Variants in USP31 observed in about 807,000 individuals in gnomAD.
USP31 encodes ubiquitin specific peptidase 31.
Under a neutral mutation model 119.4 loss-of-function variants are expected in USP31, and 44 were observed. The ratio of observed to expected loss-of-function variants is 0.37; its 90% CI spans 0.29 to 0.47. The LOEUF (loss-of-function observed/expected upper bound fraction) is 0.47, where lower values mean the gene tolerates loss of function less well. Among genes scored for constraint, USP31 ranks in the 20% least tolerant of loss-of-function variants. USP31 has a pLI of 0.99. For synonymous variants in USP31, 749 were observed against 705.6 expected (o/e 1.06, Z -0.97); for missense variants, 1,643 against 1,730.2 (o/e 0.95, Z 0.89).
intron 11 of USP31, among the ~76,000 whole-genome samples, chr16:23,083,036 G>A (rs1900908325): frequency 6.6e-6 from 1 of 151,894 alleles, no homozygotes; most frequent in Non-Finnish European, 1.5e-5. Flanking sequence ...TTGCCATGCT[G>A]CCCAGGTGCT....
In USP31 at chr16:23,067,202, G is replaced by T. The variant is rs1245634896; in HGVS notation, c.*844C>A. 1 of 152,630 alleles carries T rather than the reference G, an allele frequency of 6.6e-6. No individual in the cohort carries two copies. The highest frequency in any genetic ancestry group is 1.5e-5 in the Non-Finnish European group (1 of 68,040). 9.5% of individuals were successfully genotyped at this position (152,630 alleles called of 1,614,324 possible). On this transcript the variant is annotated 3_prime_UTR_variant, in exon 16 of 16. Coordinates refer to ENST00000219689, the MANE Select transcript of USP31 (RefSeq NM_020718.4). ...GCTCTACTACAGTGCAAAATTCCAA[G>T]AGCCTTAGCTAGTAATTTCAGAAGG... is the stretch of plus-strand genomic sequence containing the variant.
At chr16:23,108,553 C>T (rs544868485) in intron 1 of USP31, among the ~76,000 whole-genome samples, 12 of 152,106 alleles carry the variant, frequency 7.9e-5, no homozygotes, top group Non-Finnish European at 1.6e-4. Context: ...ACAGTAAAAA[C>T]AGTTAAATTA....
chr16:23,067,927 A>ACG lies in USP31; in HGVS notation c.*118_*119insCG. On this transcript the variant is annotated 3_prime_UTR_variant, in exon 16 of 16. Coordinates refer to ENST00000219689, the MANE Select transcript of USP31 (RefSeq NM_020718.4). ...CACGCATACACTCACACACACACACACAGTCGGGCACGTGACTCAAAAAAG... is the reference window on the plus strand; with the variant it reads ...CACGCATACACTCACACACACACACACGCAGTCGGGCACGTGACTCAAAAAAG... 2 of 1,297,372 alleles carry ACG rather than the reference A, an allele frequency of 1.5e-6. No individual in the cohort carries two copies. The highest frequency in any genetic ancestry group is 4.7e-5 in the Admixed American group (2 of 42,758). 80.4% of individuals were successfully genotyped at this position (1,297,372 alleles called of 1,614,324 possible).
At chr16:23,107,101 A>G (rs1902140425) in intron 2 of USP31, among the ~76,000 whole-genome samples, 1 of 151,556 alleles carries the variant, frequency 6.6e-6, no homozygotes, top group Admixed American at 6.6e-5. Context: ...AACAAGAGCG[A>G]AAGTCCGTCT....
chr16:23,134,665 A>C (rs1903131365), intron 1 of USP31, among the ~76,000 whole-genome samples: 1 of 146,940 alleles, frequency 6.8e-6, no homozygotes, highest in Non-Finnish European at 1.5e-5. Context: ...AACACAGTAG[A>C]AACAAAGCTA....
At chr16:23,084,543 T>A (rs1901007839) in intron 11 of USP31, among the ~76,000 whole-genome samples, 1 of 152,174 alleles carries the variant, frequency 6.6e-6, no homozygotes, top group Non-Finnish European at 1.5e-5. Flanking sequence ...GAATCACTGT[T>A]TAAGTTACTA....
At position 23,066,923 on chromosome 16, in the gene USP31, A is replaced by T. The variant is rs1307986807; in HGVS notation, c.*1123T>A. 1.3e-5 allele frequency: 2 copies of T among 152,246 alleles called. No homozygotes were observed. The highest frequency in any genetic ancestry group is 2.4e-5 in the African/African-American group (1 of 41,464). The allele number at this position is 152,246 out of a possible 1,614,324, so 9.4% of individuals were successfully genotyped here. ...AGGCAGCCCTAACAGAGACTGACAG[A>T]CAGGATCTGAAGTGCATATGTAACA... On this transcript the variant is annotated 3_prime_UTR_variant, in exon 16 of 16. Coordinates refer to ENST00000219689, the MANE Select transcript of USP31 (RefSeq NM_020718.4).
At position 23,068,248 on chromosome 16, in the gene USP31, T is replaced by G; in HGVS notation, c.3857A>C (p.Asn1286Thr). 1 of 1,614,136 alleles carries G rather than the reference T, an allele frequency of 6.2e-7. No individual in the cohort carries two copies. Among genetic ancestry groups the G allele is most frequent in the Non-Finnish European group, 8.5e-7 (1 of 1,180,016 alleles). The change falls in exon 16 of 16, where the codon AAT (asparagine) becomes ACT (threonine). Residue 1286 changes from asparagine to threonine, a missense_variant. Around this residue, in one of 5 missense-constraint regions of USP31, gnomAD observed 699 missense variants for 650.9 expected, o/e 1.07. Coordinates refer to ENST00000219689, the MANE Select transcript of USP31 (RefSeq NM_020718.4). ...GACAAGCTGCTCTTTTCCCGTTGTA[T>G]TTGCATTTGGCTGCTGGGAAGCTGG... ...QPPASQQPNA[N>T]TTGKEQLVTK...
intron 1 of USP31, among the ~76,000 whole-genome samples, chr16:23,125,970 T>G (rs1274189459): frequency 1.3e-5 from 2 of 152,136 alleles, no homozygotes; most frequent in Non-Finnish European, 2.9e-5. Context: ...GCTCATTCAT[T>G]TGCTCATGAA....
chr16:23,082,502 C>G lies in USP31; in HGVS notation c.1886G>C (p.Ser629Thr). The change falls in exon 12 of 16, where the codon AGC becomes ACC. Residue 629 changes from serine (S) to threonine (T), a missense_variant. Ser to Thr is a moderately conservative substitution (Grantham distance 58). Around this residue, in one of 5 missense-constraint regions of USP31, gnomAD observed 279 missense variants for 372.2 expected, o/e 0.75. Coordinates refer to ENST00000219689, the MANE Select transcript of USP31 (RefSeq NM_020718.4). ...CAGAGTCCAGAGGCTTAACGTAATGCTTCCCTGCTGCAGCTGCTTACAGTG... is the reference window on the plus strand; with the variant it reads ...CAGAGTCCAGAGGCTTAACGTAATGGTTCCCTGCTGCAGCTGCTTACAGTG... ...CPHCKQLQQG[S>T]ITLSLWTLPD... 3 of 1,614,234 alleles carry G rather than the reference C, an allele frequency of 1.9e-6. No homozygotes were observed. The South Asian group carries it at 3.3e-5, about 18-fold the overall frequency.
In USP31 at chr16:23,087,072, T is replaced by A. The variant is rs7197211; in HGVS notation, c.1622+20A>T. ...ATGTGTGAGATTCTAAAAGGTAATT[T>A]AAAAAAAAATTTTTTTTACCTTTCT... On this transcript the variant is annotated intron_variant, in intron 9 of 15. Coordinates refer to ENST00000219689, the MANE Select transcript of USP31 (RefSeq NM_020718.4). The A allele has an allele frequency of 2.0e-5, 32 of 1,576,478 alleles. No individual in the cohort carries two copies. In the African/African-American group the frequency reaches 2.5e-4, roughly 12 times the overall value.
intron 1 of USP31, among the ~76,000 whole-genome samples, chr16:23,120,547 G>A (rs1293238691): frequency 1.3e-5 from 2 of 152,210 alleles, no homozygotes; most frequent in Non-Finnish European, 2.9e-5. Flanking sequence ...AAAAATTAGA[G>A]AGAGAAAAAG....
At position 23,068,809 on chromosome 16, in the gene USP31, G is replaced by C; in HGVS notation, c.3296C>G (p.Ser1099Ter). ...CACGGAGTCCTGAGATTTCGGGGATGACTCCTTTTTGGGTTGGGCAGGGGC... is the reference window on the plus strand; with the variant it reads ...CACGGAGTCCTGAGATTTCGGGGATCACTCCTTTTTGGGTTGGGCAGGGGC... ...SPAPAQPKKE[S>*]SPKSQDSVSS... is the part of the protein sequence containing the mutation. Residue 1099 changes from serine to a stop codon, truncating the protein, a stop_gained, in exon 16 of 16, where the codon TCA (serine) becomes TGA (stop). Coordinates refer to ENST00000219689, the MANE Select transcript of USP31 (RefSeq NM_020718.4). LOFTEE classifies it high-confidence loss of function. 1 of 1,557,228 alleles carries C rather than the reference G, an allele frequency of 6.4e-7. No individual in the cohort carries two copies. The highest frequency in any genetic ancestry group is 1.3e-5 in the South Asian group (1 of 79,586).
rs1902186394 is a variant in USP31 at position 23,108,175 on chromosome 16, C to A, written c.642G>T (p.Val214=). 3 of 1,611,544 alleles carry A rather than the reference C, an allele frequency of 1.9e-6. No individual in the cohort carries two copies. The highest frequency in any genetic ancestry group is 2.5e-6 in the Non-Finnish European group (3 of 1,179,060). Reference sequence around the variant, plus strand: ...CCCGGTACTGCAGTGCATTCTTTGACACAATAGTCTATGCAGGTAAATAAA... The same window carrying A: ...CCCGGTACTGCAGTGCATTCTTTGAAACAATAGTCTATGCAGGTAAATAAA... ...PQHSRDFKTI[V]SKNALQYRGN... Residue 214 remains valine (V), a synonymous_variant, in exon 2 of 16, where the codon GTG becomes GTT. Coordinates refer to ENST00000219689, the MANE Select transcript of USP31 (RefSeq NM_020718.4).
intron 1 of USP31, among the ~76,000 whole-genome samples, chr16:23,125,468 T>G (rs1567244273): frequency 6.6e-6 from 1 of 152,218 alleles, no homozygotes; most frequent in Non-Finnish European, 1.5e-5. Flanking sequence ...GAAGGGTAAC[T>G]AACCCCTTCC....
chr16:23,121,652 C>T lies in USP31; in HGVS notation c.634-13469G>A, dbSNP rs955178154. 2.6e-5 allele frequency among the ~76,000 whole-genome samples: 4 copies of T among 152,188 alleles called. No homozygotes were observed. The South Asian group carries it at 8.3e-4, about 32-fold the overall frequency. ...TAGTAACTTCAAAGAATAGATCAAG[C>T]TGTTCTCCCTCACTACTAACCAAAG... On this transcript the variant is annotated intron_variant, in intron 1 of 15. Transcript: ENST00000219689.
At chr16:23,085,157 C>G (rs572042337) in intron 10 of USP31, among the ~76,000 whole-genome samples, 168 bp from the exon 11 acceptor site, 1 of 152,162 alleles carries the variant, frequency 6.6e-6, no homozygotes, top group Admixed American at 6.5e-5. Context: ...CCAAAATGTT[C>G]TTGAAAAGTT....
At chr16:23,136,768 T>C (rs551322084) in intron 1 of USP31, among the ~76,000 whole-genome samples, 44 of 151,910 alleles carry the variant, frequency 2.9e-4, no homozygotes, top group Non-Finnish European at 1.8e-4. Context: ...ATCTAGAATA[T>C]ATAAAGAACT....
intron 1 of USP31, among the ~76,000 whole-genome samples, chr16:23,126,379 CT>C (rs1902855449): frequency 6.8e-6 from 1 of 146,812 alleles, no homozygotes; most frequent in Non-Finnish European, 1.5e-5. Flanking sequence ...AATCCCAGCA[CT>C]TTGGGAGGCT....
Sources: gnomAD v4.1 joint callset for allele counts (sites outside exome capture counted in the v4.1 genomes callset) on GRCh38, gnomAD v4.1.1 for gene constraint, gnomAD v4.1.1 regional missense constraint, MANE v1.5 for transcripts, NCBI Gene and HGNC (gene_info 2026-07-23, HGNC 2026-07-21) for gene names.